The following C1QTNF3 variants were observed in gnomAD, a reference collection of about 807,000 sequenced individuals.
The protein encoded by C1QTNF3 is complement C1q tumor necrosis factor-related protein 3.
Under a neutral mutation model 32.6 loss-of-function variants are expected in C1QTNF3, and 26 were observed. The observed-to-expected ratio is 0.80, with a 90% CI of 0.58 to 1.11. The LOEUF is 1.11. C1QTNF3 is among the 50% of genes least tolerant of loss of function. C1QTNF3 has a pLI of 0.00. For missense variants in C1QTNF3, 362 were observed against 398.2 expected, an observed-to-expected ratio of 0.91 and a Z score of 0.77; for synonymous variants, 155 against 146.0, an observed-to-expected ratio of 1.06 and a Z score of -0.44.
the C1QTNF3 span, among the ~76,000 whole-genome samples, chr5:34,154,863 T>C: frequency 1.3e-5 from 2 of 152,116 alleles, no homozygotes; most frequent in African/African-American, 4.8e-5. Flanking sequence ...TGAACCTGAG[T>C]ATCTAAACTA....
At chr5:34,222,661 T>A in the C1QTNF3 span, among the ~76,000 whole-genome samples, 2 of 151,954 alleles carry the variant, frequency 1.3e-5, no homozygotes, top group Non-Finnish European at 2.9e-5. Context: ...GAGTGTCACT[T>A]ATATATAAAT....
the C1QTNF3 span, among the ~76,000 whole-genome samples, chr5:34,117,684 T>C: frequency 1.3e-5 from 2 of 151,898 alleles, no homozygotes; most frequent in Non-Finnish European, 2.9e-5. Context: ...TAATCCGAGC[T>C]ACTCAGGAGG....
chr5:34,197,397 T>G, the C1QTNF3 span, among the ~76,000 whole-genome samples: 1 of 152,210 alleles, frequency 6.6e-6, no homozygotes, highest in African/African-American at 2.4e-5. Context: ...TGCCATTCTC[T>G]TATAAAAGAA....
chr5:34,023,883 G>A, intron 5 of C1QTNF3, 26 bp downstream of exon 5: 1 of 1,558,132 alleles, frequency 6.4e-7, no homozygotes, highest in Non-Finnish European at 8.9e-7. Flanking sequence ...GCATGGATGA[G>A]ACCCATGACA....
the C1QTNF3 span, chr5:34,182,779 G>A: frequency 4.1e-6 from 2 of 491,488 alleles, no homozygotes; most frequent in Admixed American, 2.1e-5. Flanking sequence ...CAGCCTGGTT[G>A]TCCACGACTT....
the C1QTNF3 span, among the ~76,000 whole-genome samples, chr5:34,163,471 A>G: frequency 9.9e-6 from 1 of 101,034 alleles, no homozygotes; most frequent in African/African-American, 3.6e-5. Flanking sequence ...AATGTATTTT[A>G]TTATGATTGA....
At chr5:34,200,440 TTCTC>T in the C1QTNF3 span, 14 of 151,928 alleles carry the variant, frequency 9.2e-5, no homozygotes, top group South Asian at 2.1e-4. Context: ...ATCCATTTTC[TTCTC>T]TCTATTATGA....
the C1QTNF3 span, among the ~76,000 whole-genome samples, chr5:34,068,775 C>T: frequency 6.6e-6 from 1 of 152,098 alleles, no homozygotes; most frequent in Non-Finnish European, 1.5e-5. Context: ...TGTTATCAAA[C>T]TTGTGGTTTA....
chr5:34,041,650 T>C (rs1754873789), intron 1 of C1QTNF3, among the ~76,000 whole-genome samples: 1 of 152,152 alleles, frequency 6.6e-6, no homozygotes. Context: ...TTTCAAAAGA[T>C]AGGATCATAT....
At chr5:34,072,276 C>T in the C1QTNF3 span, among the ~76,000 whole-genome samples, 2 of 149,716 alleles carry the variant, frequency 1.3e-5, no homozygotes, top group Admixed American at 6.7e-5. Context: ...GCATGAGCCA[C>T]CACACACAGC....
At chr5:34,176,047 T>C in the C1QTNF3 span, 15 of 621,554 alleles carry the variant, frequency 2.4e-5, no homozygotes, top group Non-Finnish European at 5.8e-6. Context: ...GACCAAAATA[T>C]CTGTCCTCAC....
the C1QTNF3 span, among the ~76,000 whole-genome samples, chr5:34,071,013 G>A: frequency 4.0e-4 from 61 of 152,158 alleles, no homozygotes; most frequent in African/African-American, 1.4e-3. Context: ...ATGAAATTGT[G>A]GATATTCAAT....
At chr5:34,206,986 C>A in the C1QTNF3 span, among the ~76,000 whole-genome samples, 2 of 152,196 alleles carry the variant, frequency 1.3e-5, no homozygotes, top group African/African-American at 2.4e-5. Context: ...TTAAGAGTGT[C>A]CAGAAGCCAC....
intron 4 of C1QTNF3, among the ~76,000 whole-genome samples, chr5:34,025,208 T>A (rs151315375): frequency 6.6e-6 from 1 of 152,330 alleles, no homozygotes; most frequent in East Asian, 1.9e-4. Flanking sequence ...ATTAAAAGCC[T>A]CAAGGAAAAT....
chr5:34,043,277 C>T, upstream of C1QTNF3: 1 of 728,310 alleles, frequency 1.4e-6, no homozygotes. Flanking sequence ...GTAGGCATGC[C>T]AGAGTGACAG....
At chr5:34,080,627 C>G in the C1QTNF3 span, among the ~76,000 whole-genome samples, 6 of 151,698 alleles carry the variant, frequency 4.0e-5, no homozygotes, top group African/African-American at 1.5e-4. Flanking sequence ...GAATAGTCCC[C>G]AGAGAGCTAT....
chr5:34,177,336 A>G, the C1QTNF3 span, among the ~76,000 whole-genome samples: 2 of 152,144 alleles, frequency 1.3e-5, no homozygotes, highest in African/African-American at 4.8e-5. Flanking sequence ...TTTTTGAAAC[A>G]AGGTCTCACT....
chr5:34,070,037 A>G, the C1QTNF3 span, among the ~76,000 whole-genome samples: 3 of 152,182 alleles, frequency 2.0e-5, no homozygotes, highest in African/African-American at 7.2e-5. Flanking sequence ...TAATTAACAG[A>G]AAGTACTTGT....
chr5:34,232,826 C>T, the C1QTNF3 span, among the ~76,000 whole-genome samples: 2 of 152,128 alleles, frequency 1.3e-5, no homozygotes, highest in African/African-American at 4.8e-5. Context: ...TTAAAGAATA[C>T]TTGTGATTTT....
Sources: gnomAD v4.1 joint callset for allele counts (sites outside exome capture counted in the v4.1 genomes callset) on GRCh38, gnomAD v4.1.1 for gene constraint, MANE v1.5 for transcripts, NCBI Gene and HGNC (gene_info 2026-07-23, HGNC 2026-07-21) for gene names.